The following INPP5B variants were observed in gnomAD, a reference collection of about 807,000 sequenced individuals.
INPP5B encodes the protein inositol polyphosphate-5-phosphatase B.
In INPP5B, 90 loss-of-function variants were observed where a neutral mutation model predicts 118.5. The observed-to-expected ratio is 0.76, with a 90% CI of 0.64 to 0.90. INPP5B has a LOEUF of 0.90. Ranked by LOEUF, INPP5B falls within the 40% of genes least tolerant of loss-of-function variation. The pLI, the probability that INPP5B is intolerant of heterozygous loss-of-function variation, is 0.00. For synonymous variants in INPP5B, 385 were observed against 418.9 expected, an observed-to-expected ratio of 0.92 and a Z score of 0.99; for missense variants, 984 against 1,125.6, an observed-to-expected ratio of 0.87 and a Z score of 1.80.
At chr1:37,889,753 TGTGGATGA>T in intron 8 of INPP5B, 29 bp from the exon 9 acceptor site, 1 of 1,552,692 alleles carries the variant, frequency 6.4e-7, no homozygotes, top group Middle Eastern at 1.7e-4. Flanking sequence ...TTTTTTCATA[TGTGGATGA>T]GTCCCCATGG....
intron 7 of INPP5B, among the ~76,000 whole-genome samples, chr1:37,915,477 A>G (rs1156890895): frequency 6.6e-6 from 1 of 152,228 alleles, no homozygotes; most frequent in Non-Finnish European, 1.5e-5. Context: ...CAAACTTACA[A>G]GAAAAATTTG....
At chr1:37,887,221 GA>G (rs1643595776) in intron 11 of INPP5B, 129 bp downstream of exon 11, 1 of 757,292 alleles carries the variant, frequency 1.3e-6, no homozygotes, top group African/African-American at 1.8e-5. Flanking sequence ...CCTTCTGGAA[GA>G]TCTGGAAATG....
intron 20 of INPP5B, among the ~76,000 whole-genome samples, chr1:37,868,123 G>A (rs1028298519): frequency 8.5e-5 from 13 of 152,058 alleles, no homozygotes; most frequent in Non-Finnish European, 1.6e-4. Flanking sequence ...GATCACCTGA[G>A]GTCAGAAGTT....
intron 16 of INPP5B, among the ~76,000 whole-genome samples, chr1:37,876,552 TAAAAAAAAAAAAAAAAAA>T (rs34854182): frequency 1.8e-5 from 1 of 54,592 alleles, no homozygotes. Context: ...GCTGTCTCTT[TAAAAAAAAAAAAAAAAAA>T]AAAAAAAAAA....
intron 19 of INPP5B, among the ~76,000 whole-genome samples, chr1:37,870,873 G>A (rs1304151812): frequency 6.6e-6 from 1 of 152,236 alleles, no homozygotes; most frequent in Admixed American, 6.5e-5. Flanking sequence ...AGTGGAGTTA[G>A]GCAGGGCATG....
chr1:37,945,700 T>A, intron 3 of INPP5B, 56 bp downstream of exon 3: 1 of 1,242,726 alleles, frequency 8.0e-7, no homozygotes, highest in South Asian at 1.2e-5. Context: ...AGCTGGAGGG[T>A]GCAGTGATGA....
chr1:37,896,770 A>G (rs1254626423), intron 7 of INPP5B, among the ~76,000 whole-genome samples: 4 of 123,604 alleles, frequency 3.2e-5, no homozygotes, highest in South Asian at 2.8e-4. Context: ...TCCCGGAGGG[A>G]GGGAGGTGGG....
At chr1:37,885,494 A>C in intron 13 of INPP5B, 144 bp downstream of exon 13, 1 of 610,264 alleles carries the variant, frequency 1.6e-6, no homozygotes, top group South Asian at 2.3e-5. Context: ...TTTTCAAGAG[A>C]TATAATCCAT....
intron 7 of INPP5B, among the ~76,000 whole-genome samples, chr1:37,910,851 C>T (rs1352644161): frequency 1.3e-5 from 2 of 152,132 alleles, no homozygotes; most frequent in Non-Finnish European, 2.9e-5. Context: ...TATATTCTCC[C>T]ATCCTCAATA....
At chr1:37,895,895 T>C (rs1339442943) in intron 7 of INPP5B, among the ~76,000 whole-genome samples, 1 of 152,196 alleles carries the variant, frequency 6.6e-6, no homozygotes, top group East Asian at 1.9e-4. Flanking sequence ...TGCCTTGGCC[T>C]CCCAAAGTGC....
At chr1:37,863,216 A>AAT (rs912657940) in intron 23 of INPP5B, among the ~76,000 whole-genome samples, 58 of 147,694 alleles carry the variant, frequency 3.9e-4, no homozygotes, top group Middle Eastern at 3.5e-3. Flanking sequence ...TGCCCTTTAA[A>AAT]AAAAAAAAAA....
At chr1:37,883,104 A>G (rs1410580292) in intron 13 of INPP5B, 186 bp from the exon 14 acceptor site, 8 of 985,330 alleles carry the variant, frequency 8.1e-6, no homozygotes, top group Non-Finnish European at 9.6e-6. Flanking sequence ...TGCTTGCTCA[A>G]TTATCTTGGT....
chr1:37,914,312 C>T (rs1644798280), intron 7 of INPP5B, among the ~76,000 whole-genome samples: 1 of 152,206 alleles, frequency 6.6e-6, no homozygotes, highest in African/African-American at 2.4e-5. Flanking sequence ...CTTTACTTTA[C>T]TCTATAGATT....
chr1:37,882,136 T>C (rs1045247376), intron 14 of INPP5B, among the ~76,000 whole-genome samples: 1 of 148,892 alleles, frequency 6.7e-6, no homozygotes, highest in Non-Finnish European at 1.5e-5. Context: ...TTTAGACTAA[T>C]GACAATACTA....
In INPP5B at chr1:37,895,925, C is replaced by T. The variant is rs1365249088; in HGVS notation, c.533-4471G>A. Among the ~76,000 whole-genome samples, 7 of 152,332 alleles carry T rather than the reference C, an allele frequency of 4.6e-5. No homozygotes were observed. The South Asian group carries it at 6.2e-4, about 14-fold the overall frequency. On this transcript the variant is annotated intron_variant, in intron 7 of 23. Coordinates refer to ENST00000373024, the MANE Select transcript of INPP5B (RefSeq NM_005540.3). ...AAGTGCTGAGATTGCAGCCTCTGCC[C>T]GGCCACCACCCCGTCTGGGAAGTGA...
At chr1:37,904,569 C>G (rs1238222950) in intron 7 of INPP5B, among the ~76,000 whole-genome samples, 1 of 152,050 alleles carries the variant, frequency 6.6e-6, no homozygotes, top group Non-Finnish European at 1.5e-5. Context: ...CTAATCTGCT[C>G]TTCAACAAAA....
chr1:37,943,665 G>C lies in INPP5B; in HGVS notation c.255C>G (p.Ser85=), dbSNP rs1381681124. The C allele has an allele frequency of 6.2e-7, 1 of 1,614,012 alleles. No individual in the cohort carries two copies. Among genetic ancestry groups the C allele is most frequent in the Admixed American group, 1.7e-5 (1 of 59,994 alleles). The change falls in exon 5 of 24, where the codon TCC becomes TCG. Residue 85 remains serine (S), a synonymous_variant. Coordinates refer to ENST00000373024, the MANE Select transcript of INPP5B (RefSeq NM_005540.3). ...CAAGGATGTAGAGTTCACCATCTGG[G>C]GACACTGTGGGGAGGGAAATGAGAA... ...VSRDFTLEEV[S]PDGELYILGS...
intron 7 of INPP5B, 93 bp downstream of exon 7, chr1:37,931,820 T>C (rs777342238): frequency 9.0e-5 from 145 of 1,609,264 alleles, no homozygotes; most frequent in Non-Finnish European, 1.2e-4. Context: ...AAGCCTGTCT[T>C]CTCCATCGCT....
chr1:37,877,994 C>T (rs894932093), intron 16 of INPP5B, among the ~76,000 whole-genome samples, 194 bp downstream of exon 16: 1 of 152,090 alleles, frequency 6.6e-6, no homozygotes, highest in East Asian at 1.9e-4. Context: ...AGGGAACTTC[C>T]ATGTATGAGG....
Sources: allele counts gnomAD v4.1 joint callset (sites outside exome capture counted in the v4.1 genomes callset), GRCh38; gene constraint gnomAD v4.1.1; transcripts MANE v1.5; gene names NCBI Gene and HGNC (gene_info 2026-07-23, HGNC 2026-07-21).